Variants in HDAC8 observed in about 807,000 individuals in gnomAD.
The protein encoded by HDAC8 is histone deacetylase-like 1.
HDAC8 carries 1 observed loss-of-function variant against 32.2 expected under a neutral mutation model. The observed-to-expected ratio is 0.03, with a 90% CI of 0.01 to 0.15. HDAC8 has a LOEUF of 0.15. HDAC8 is among the 10% of genes least tolerant of loss of function. The probability of loss-of-function intolerance (pLI) is 1.00; values close to 1 mark genes in which losing one functional copy is unlikely to be tolerated. For missense variants in HDAC8, 117 were observed against 300.0 expected, an observed-to-expected ratio of 0.39 and a Z score of 4.51; for synonymous variants, 108 against 113.9, an observed-to-expected ratio of 0.95 and a Z score of 0.33.
chrX:72,421,237 T>A (rs2046481382), intron 9 of HDAC8, among the ~76,000 whole-genome samples: 1 of 111,683 alleles, frequency 9.0e-6, no homozygotes, highest in Non-Finnish European at 1.9e-5. Flanking sequence ...TTTCTTCAAC[T>A]TTTATTTTAA....
At chrX:72,383,568 G>A (rs1162903649) in intron 9 of HDAC8, among the ~76,000 whole-genome samples, 2 of 111,856 alleles carry the variant, frequency 1.8e-5, no homozygotes, top group African/African-American at 6.5e-5. Context: ...GAATCCACAG[G>A]CTTTATTAAC....
At chrX:72,506,843 A>G (rs1418832273) in intron 4 of HDAC8, among the ~76,000 whole-genome samples, 1 of 110,494 alleles carries the variant, frequency 9.1e-6, no homozygotes, top group Non-Finnish European at 1.9e-5. Flanking sequence ...TTACTATAAT[A>G]TAATCTTTTA....
At chrX:72,487,486 C>T (rs1207068496) in intron 7 of HDAC8, among the ~76,000 whole-genome samples, 1 of 110,715 alleles carries the variant, frequency 9.0e-6, no homozygotes, top group African/African-American at 3.3e-5. Flanking sequence ...TAAAGAAGAT[C>T]TCAGGAGGTT....
chrX:72,526,726 T>C (rs1196828770), intron 4 of HDAC8, among the ~76,000 whole-genome samples: 2 of 111,830 alleles, frequency 1.8e-5, no homozygotes, highest in Non-Finnish European at 3.8e-5. Context: ...TGACCAATGA[T>C]GACATCATTA....
intron 4 of HDAC8, among the ~76,000 whole-genome samples, chrX:72,526,831 C>T (rs186606505): frequency 1.9e-4 from 21 of 111,175 alleles, no homozygotes; most frequent in East Asian, 8.5e-4. Flanking sequence ...GTCTTCCTCT[C>T]TTGGATAATT....
chrX:72,525,813 CAAAAAAAAAAAAAAAAAA>C (rs57801277), intron 4 of HDAC8, among the ~76,000 whole-genome samples: 1 of 21,555 alleles, frequency 4.6e-5, no homozygotes, highest in African/African-American at 1.5e-4. Context: ...GACTCTGTCT[CAAAAAAAAAAAAAAAAAA>C]AAAAAAAAAA....
chrX:72,559,487 G>A lies in HDAC8; in HGVS notation c.437+8402C>T, dbSNP rs1189083991. Among the ~76,000 whole-genome samples, 23 of 111,549 alleles carry A rather than the reference G, an allele frequency of 2.1e-4. No homozygotes were observed. The Admixed American group carries it at 2.1e-3, about 10-fold the overall frequency. ...CCGAGATTGCAGCCTCTGCCCGGCC[G>A]CCACCCCGTCTGGGAAGTGAGGAGC... is the stretch of plus-strand genomic sequence containing the variant. On this transcript the variant is annotated intron_variant, in intron 4 of 10. Transcript: ENST00000373573.
chrX:72,543,208 G>A (rs1177878567), intron 4 of HDAC8, among the ~76,000 whole-genome samples: 1 of 111,523 alleles, frequency 9.0e-6, no homozygotes, highest in Non-Finnish European at 1.9e-5. Flanking sequence ...GATGGTTTCA[G>A]TAACTAGCCA....
At chrX:72,565,250 C>T (rs782175762) in intron 4 of HDAC8, among the ~76,000 whole-genome samples, 1 of 112,295 alleles carries the variant, frequency 8.9e-6, no homozygotes, top group African/African-American at 3.2e-5. Context: ...TGAATCTGTA[C>T]ATATATTTGC....
chrX:72,378,224 T>C (rs1255157482), intron 9 of HDAC8, among the ~76,000 whole-genome samples: 3 of 111,332 alleles, frequency 2.7e-5, no homozygotes, highest in Non-Finnish European at 5.7e-5. Context: ...GTGGGCCTAG[T>C]TGGAGTTGTT....
chrX:72,543,033 A>G (rs782440373), intron 4 of HDAC8, among the ~76,000 whole-genome samples: 2 of 111,979 alleles, frequency 1.8e-5, no homozygotes, highest in East Asian at 5.6e-4. Context: ...GTTCAAGTTG[A>G]CATAGAAAGT....
chrX:72,570,771 G>A (rs1210434289), intron 2 of HDAC8, among the ~76,000 whole-genome samples: 1 of 111,945 alleles, frequency 8.9e-6, no homozygotes, highest in African/African-American at 3.2e-5. Context: ...GCCAGAAATT[G>A]TCATAAGTAA....
At chrX:72,543,943 G>A (rs1329301705) in intron 4 of HDAC8, among the ~76,000 whole-genome samples, 2 of 112,635 alleles carry the variant, frequency 1.8e-5, no homozygotes, top group African/African-American at 3.2e-5. Flanking sequence ...TCTGGGCTGC[G>A]CCATGATGAA....
intron 9 of HDAC8, among the ~76,000 whole-genome samples, chrX:72,388,051 T>C (rs1196627717): frequency 3.6e-5 from 4 of 110,023 alleles, no homozygotes; most frequent in African/African-American, 9.9e-5. Context: ...GGAAGGATAT[T>C]CCTAGTAGAA....
intron 7 of HDAC8, among the ~76,000 whole-genome samples, chrX:72,468,221 A>T (rs1660871560): frequency 8.9e-6 from 1 of 112,115 alleles, no homozygotes; most frequent in Non-Finnish European, 1.9e-5. Context: ...ATGTTGCTGA[A>T]AAATTATGCT....
intron 4 of HDAC8, among the ~76,000 whole-genome samples, chrX:72,534,185 C>G (rs1182225947): frequency 9.3e-6 from 1 of 107,067 alleles, no homozygotes; most frequent in African/African-American, 3.4e-5. Flanking sequence ...GATATGAAAT[C>G]AAAATACAAA....
chrX:72,489,882 C>T (rs1556008235), intron 6 of HDAC8, among the ~76,000 whole-genome samples: 1 of 111,007 alleles, frequency 9.0e-6, no homozygotes, highest in Non-Finnish European at 1.9e-5. Context: ...CCAGAATCTA[C>T]AATGAACTCA....
At chrX:72,572,151 T>C (rs1556160685) in intron 1 of HDAC8, 42 bp from the exon 2 acceptor site, 3 of 1,099,111 alleles carry the variant, frequency 2.7e-6, no homozygotes, top group Admixed American at 3.0e-5. Context: ...AAAGCAGAAA[T>C]AGTCTCTTTA....
intron 9 of HDAC8, 44 bp downstream of exon 9, chrX:72,461,960 C>T: frequency 2.0e-6 from 2 of 1,008,219 alleles, no homozygotes; most frequent in Non-Finnish European, 2.8e-6. Context: ...AATGACTCAG[C>T]TCTTCCCCTT....
Sources: allele counts gnomAD v4.1 joint callset (sites outside exome capture counted in the v4.1 genomes callset), GRCh38; gene constraint gnomAD v4.1.1; transcripts MANE v1.5; gene names NCBI Gene and HGNC (gene_info 2026-07-23, HGNC 2026-07-21).